MICOS10: variants seen among roughly 807,000 people sequenced by gnomAD.
MICOS10 encodes the protein MICOS complex subunit MIC10.
MICOS10 carries 5 observed loss-of-function variants against 13.4 expected under a neutral mutation model. That is an observed-to-expected ratio of 0.37 (90% CI 0.20 to 0.78). MICOS10 has a LOEUF of 0.78. MICOS10 is among the 30% of genes least tolerant of loss of function. MICOS10 has a pLI of 0.47. For synonymous variants in MICOS10, 35 were observed against 33.6 expected, an observed-to-expected ratio of 1.04 and a Z score of -0.15; for missense variants, 101 against 94.6, an observed-to-expected ratio of 1.07 and a Z score of -0.28.
intron 1 of MICOS10, among the ~76,000 whole-genome samples, chr1:19,609,709 T>G (rs982341770): frequency 6.6e-6 from 1 of 152,226 alleles, no homozygotes; most frequent in Non-Finnish European, 1.5e-5. Context: ...ATCATTTTGT[T>G]GAGTGATAGA....
chr1:19,620,069 A>T (rs557784024), intron 1 of MICOS10, among the ~76,000 whole-genome samples: 1 of 152,390 alleles, frequency 6.6e-6, no homozygotes, highest in East Asian at 1.9e-4. Flanking sequence ...GCTTCCAGGG[A>T]AGGTGAAAAA....
intron 1 of MICOS10, among the ~76,000 whole-genome samples, chr1:19,597,443 C>T (rs1452443864): frequency 1.3e-5 from 2 of 152,198 alleles, no homozygotes; most frequent in African/African-American, 4.8e-5. Context: ...GGGTTCTCCT[C>T]CCGGGTGGTG....
intron 3 of MICOS10, among the ~76,000 whole-genome samples, 156 bp from the exon 4 acceptor site, chr1:19,626,231 T>C (rs941806920): frequency 6.6e-6 from 1 of 152,186 alleles, no homozygotes. Context: ...GGAACCTAGG[T>C]AGGGTGTACA....
At chr1:19,613,629 C>T (rs1477401834) in intron 1 of MICOS10, among the ~76,000 whole-genome samples, 1 of 152,214 alleles carries the variant, frequency 6.6e-6, no homozygotes, top group East Asian at 1.9e-4. Flanking sequence ...AGTGCGGGAA[C>T]TTATCATTCC....
intron 1 of MICOS10, among the ~76,000 whole-genome samples, chr1:19,620,551 C>T (rs979407012): frequency 3.9e-5 from 6 of 152,166 alleles, no homozygotes; most frequent in Non-Finnish European, 7.3e-5. Context: ...ATTGAAGATA[C>T]AGCAGCCCAG....
intron 1 of MICOS10, among the ~76,000 whole-genome samples, chr1:19,606,485 C>T (rs985948150): frequency 6.6e-6 from 1 of 152,166 alleles, no homozygotes; most frequent in Non-Finnish European, 1.5e-5. Context: ...GTGGCTCACA[C>T]CTGTAATCCC....
chr1:19,606,985 T>A (rs1481276907), intron 1 of MICOS10, among the ~76,000 whole-genome samples: 1 of 152,258 alleles, frequency 6.6e-6, no homozygotes, highest in African/African-American at 2.4e-5. Context: ...AGATGTGGGT[T>A]ACCACAAAGC....
chr1:19,609,910 C>T (rs796139562), intron 1 of MICOS10, among the ~76,000 whole-genome samples: 12 of 152,170 alleles, frequency 7.9e-5, no homozygotes, highest in African/African-American at 1.7e-4. Context: ...TTTGGGTAGC[C>T]GAGGTGGGCA....
intron 3 of MICOS10, among the ~76,000 whole-genome samples, chr1:19,624,618 C>T (rs778379494): frequency 3.3e-5 from 5 of 152,156 alleles, no homozygotes; most frequent in Non-Finnish European, 7.4e-5. Context: ...TGCACACAAG[C>T]TGGAAACTTC....
intron 1 of MICOS10, among the ~76,000 whole-genome samples, chr1:19,613,623 C>T (rs758112868): frequency 2.6e-5 from 4 of 152,162 alleles, no homozygotes; most frequent in Admixed American, 6.5e-5. Context: ...GAACATAGTG[C>T]GGGAACTTAT....
chr1:19,599,728 T>C (rs116342788), intron 1 of MICOS10, among the ~76,000 whole-genome samples: 4,072 of 152,252 alleles, frequency 0.027, 91 homozygotes, highest in Non-Finnish European at 0.034. Flanking sequence ...AGAGGTTAAA[T>C]ATCCAGAAGT....
intron 1 of MICOS10, among the ~76,000 whole-genome samples, chr1:19,610,993 G>A (rs990273149): frequency 3.3e-5 from 5 of 151,480 alleles, no homozygotes; most frequent in South Asian, 2.1e-4. Context: ...GCCCAGGCTG[G>A]AAGGCTGGAG....
intron 1 of MICOS10, among the ~76,000 whole-genome samples, chr1:19,606,427 C>T (rs1165711806): frequency 3.3e-5 from 5 of 152,092 alleles, no homozygotes; most frequent in Admixed American, 2.6e-4. Context: ...AGAAAGGATT[C>T]GGCCTTGCTT....
chr1:19,601,680 G>A (rs955236585), intron 1 of MICOS10, among the ~76,000 whole-genome samples: 2 of 152,046 alleles, frequency 1.3e-5, no homozygotes, highest in African/African-American at 4.8e-5. Context: ...ATCAAATAGT[G>A]TGGAAGAATA....
chr1:19,615,359 G>GC (rs11445550), intron 1 of MICOS10, among the ~76,000 whole-genome samples: 31,676 of 151,388 alleles, frequency 0.21, 5,412 homozygotes, highest in African/African-American at 0.48. Flanking sequence ...CACATCTCAT[G>GC]GGTTTCATCC....
At chr1:19,605,809 C>G (rs2094832363) in intron 1 of MICOS10, among the ~76,000 whole-genome samples, 1 of 152,186 alleles carries the variant, frequency 6.6e-6, no homozygotes, top group Non-Finnish European at 1.5e-5. Flanking sequence ...CTGCCTCAGC[C>G]TCCTGAGTAG....
intron 1 of MICOS10, among the ~76,000 whole-genome samples, chr1:19,615,941 G>A (rs763581835): frequency 2.8e-5 from 4 of 143,958 alleles, no homozygotes; most frequent in South Asian, 2.2e-4. Context: ...TTTTTTAGAC[G>A]GAGTCTTGCT....
intron 1 of MICOS10, among the ~76,000 whole-genome samples, chr1:19,602,217 A>C (rs142514167): frequency 3.5e-4 from 53 of 152,292 alleles, no homozygotes; most frequent in African/African-American, 1.1e-3. Context: ...TGTTAAATGA[A>C]TGACATGTAT....
chr1:19,602,283 A>G (rs1052859268), intron 1 of MICOS10, among the ~76,000 whole-genome samples: 4 of 152,224 alleles, frequency 2.6e-5, no homozygotes, highest in African/African-American at 9.6e-5. Flanking sequence ...GAGTGTGTTT[A>G]TTAACTGAAT....
Sources: allele counts gnomAD v4.1 joint callset (sites outside exome capture counted in the v4.1 genomes callset), GRCh38; gene constraint gnomAD v4.1.1; transcripts MANE v1.5; gene names NCBI Gene and HGNC (gene_info 2026-07-23, HGNC 2026-07-21).